Variants in TBCE observed in about 807,000 individuals in gnomAD.
The protein encoded by TBCE is tubulin folding cofactor E.
TBCE carries 53 observed loss-of-function variants against 77.0 expected under a neutral mutation model. The ratio of observed to expected loss-of-function variants is 0.69; its 90% confidence interval spans 0.55 to 0.87. The LOEUF (loss-of-function observed/expected upper bound fraction) is 0.87. Among genes scored for constraint, TBCE ranks in the 40% least tolerant of loss-of-function variants. TBCE has a pLI of 0.00. For synonymous variants in TBCE, 235 were observed against 241.3 expected (o/e 0.97, Z 0.24); for missense variants, 624 against 622.4 (o/e 1.00, Z -0.03).
At chr1:235,393,646 A>T (rs935522785) in intron 2 of TBCE, among the ~76,000 whole-genome samples, 1 of 152,204 alleles carries the variant, frequency 6.6e-6, no homozygotes, top group Admixed American at 6.5e-5. Context: ...ATATTGAAAT[A>T]ATAATACCTG....
chr1:235,382,641 C>T (rs1349840065), intron 2 of TBCE, among the ~76,000 whole-genome samples: 103 of 151,890 alleles, frequency 6.8e-4, no homozygotes, highest in African/African-American at 2.1e-3. Flanking sequence ...TCATGTCCTT[C>T]GCCCACTTTT....
intron 12 of TBCE, 43 bp from the exon 13 acceptor site, chr1:235,438,726 A>G: frequency 6.2e-7 from 1 of 1,614,080 alleles, no homozygotes; most frequent in Non-Finnish European, 8.5e-7. Flanking sequence ...CATGTTAGAA[A>G]AAAGCTTTGT....
At chr1:235,380,936 C>T (rs1359210098) in intron 2 of TBCE, among the ~76,000 whole-genome samples, 1 of 152,088 alleles carries the variant, frequency 6.6e-6, no homozygotes, top group Non-Finnish European at 1.5e-5. Flanking sequence ...CAGGCATGTG[C>T]CACCACACCC....
intron 2 of TBCE, among the ~76,000 whole-genome samples, chr1:235,385,329 A>C (rs1677933383): frequency 6.6e-6 from 1 of 152,094 alleles, no homozygotes; most frequent in African/African-American, 2.4e-5. Flanking sequence ...GATGTCTATT[A>C]CGTCCGCTTG....
intron 4 of TBCE, among the ~76,000 whole-genome samples, chr1:235,418,041 C>T (rs1680200388): frequency 6.6e-6 from 1 of 152,162 alleles, no homozygotes. Flanking sequence ...CTTGGCCTCC[C>T]AAAGTGCTGG....
chr1:235,440,551 C>T (rs1222809794), intron 13 of TBCE, among the ~76,000 whole-genome samples: 4 of 152,086 alleles, frequency 2.6e-5, no homozygotes, highest in African/African-American at 9.7e-5. Context: ...TGCCACCATG[C>T]CCGGCTAATT....
chr1:235,437,669 G>A (rs1395753730), intron 12 of TBCE, among the ~76,000 whole-genome samples, 195 bp downstream of exon 12: 3 of 151,706 alleles, frequency 2.0e-5, no homozygotes, highest in Admixed American at 6.6e-5. Flanking sequence ...AAAATTAGCT[G>A]CATGGTGGCA....
rs140104308 is a variant in TBCE, at chr1:235,448,745, C to T, written c.1567C>T (p.Leu523=). ...TTATTCTGTGGAAAATGGAGATTGT[C>T]TATTAGTGCGATGGTGACAACCAAC... ...QFYSVENGDC[L]LVRW is the part of the protein sequence containing the mutation. The change falls in exon 17 of 17, where the codon CTA becomes TTA. Residue 523 remains leucine (L), a synonymous_variant. Transcript: ENST00000642610. 2.2e-5 allele frequency: 36 copies of T among 1,613,022 alleles called. No individual in the cohort carries two copies. In the African/African-American group the frequency reaches 4.3e-4, roughly 19 times the overall value.
At chr1:235,375,079 C>G (rs1181102607) in intron 1 of TBCE, among the ~76,000 whole-genome samples, 1 of 150,976 alleles carries the variant, frequency 6.6e-6, no homozygotes, top group Non-Finnish European at 1.5e-5. Context: ...CACCACCACG[C>G]CCGGCTAATT....
Position 235,449,197 on chromosome 1 carries a change from A to C in TBCE, c.*435A>C. 4.0e-6 allele frequency: 1 copy of C among 246,942 alleles called. No individual in the cohort carries two copies. Among genetic ancestry groups the C allele is most frequent in the African/African-American group, 2.3e-5 (1 of 43,620 alleles). The allele number at this position is 246,942 out of a possible 1,614,324, so 15.3% of individuals were successfully genotyped here. A position where few individuals can be genotyped will look rare whatever the true frequency, so the allele number is the denominator to read the frequency against. ...TGGGAAATGTCCCTTAAACTTGGGG[A>C]GACATCCTCTACTATGTATAACAAT... On this transcript the variant is annotated 3_prime_UTR_variant, in exon 17 of 17. Coordinates refer to ENST00000642610, the MANE Select transcript of TBCE (RefSeq NM_003193.5).
At chr1:235,422,880 G>C (rs1319570535) in intron 5 of TBCE, among the ~76,000 whole-genome samples, 2 of 152,184 alleles carry the variant, frequency 1.3e-5, no homozygotes, top group Non-Finnish European at 2.9e-5. Context: ...GCTGGCTGTT[G>C]GGTTGCTCAG....
intron 7 of TBCE, chr1:235,433,027 C>G: frequency 6.5e-7 from 1 of 1,542,784 alleles, no homozygotes; most frequent in Non-Finnish European, 8.7e-7. Flanking sequence ...GTGCGTGCTG[C>G]AGAAATGCTC....
At chr1:235,419,732 C>G (rs985833600) in intron 5 of TBCE, among the ~76,000 whole-genome samples, 171 bp downstream of exon 5, 4 of 152,142 alleles carry the variant, frequency 2.6e-5, no homozygotes, top group African/African-American at 9.7e-5. Flanking sequence ...CTTCCCAGAC[C>G]CCTTTGCTTG....
intron 13 of TBCE, 79 bp from the exon 14 acceptor site, chr1:235,441,735 C>T: frequency 7.4e-7 from 1 of 1,348,026 alleles, no homozygotes; most frequent in Non-Finnish European, 1.1e-6. Flanking sequence ...GCTTACCTAT[C>T]CTTTGTTTGT....
At position 235,414,578 on chromosome 1, in the gene TBCE, GTGGAGA is replaced by G. The variant is rs1316488786; in HGVS notation, c.332_337del (p.Val111_Thr113delinsAla). On this transcript the variant is annotated inframe_deletion, in exon 4 of 17. Coordinates refer to ENST00000642610, the MANE Select transcript of TBCE (RefSeq NM_003193.5). ...AATTGTTACAATTGGAAATAAACCT[GTGGAGA>G]CTATCGGTTTTGACTCTATTATGAA... is the stretch of plus-strand genomic sequence containing the variant. The G allele has an allele frequency of 7.4e-6, 12 of 1,613,722 alleles. No homozygotes were observed. The highest frequency in any genetic ancestry group is 1.6e-4 in the Middle Eastern group (1 of 6,084).
At chr1:235,435,098 TTTTGTTTTG>T (rs149240751) in intron 8 of TBCE, among the ~76,000 whole-genome samples, 3,221 of 147,564 alleles carry the variant, frequency 0.022, 119 homozygotes, top group African/African-American at 0.079. Flanking sequence ...AATGCAGGTT[TTTTGTTTTG>T]TTTTTTTTTT....
intron 3 of TBCE, among the ~76,000 whole-genome samples, chr1:235,404,447 A>T (rs1191025574): frequency 6.6e-6 from 1 of 151,934 alleles, no homozygotes; most frequent in South Asian, 2.1e-4. Flanking sequence ...AGAAAATGGT[A>T]TGCCTGCATA....
At chr1:235,404,998 C>T (rs1332085969) in intron 3 of TBCE, among the ~76,000 whole-genome samples, 13 of 147,536 alleles carry the variant, frequency 8.8e-5, no homozygotes, top group Non-Finnish European at 7.5e-5. Flanking sequence ...AGTCTTGCTC[C>T]GTCACCCACG....
chr1:235,435,995 C>T, intron 9 of TBCE, 155 bp downstream of exon 9: 1 of 725,524 alleles, frequency 1.4e-6, no homozygotes, highest in African/African-American at 1.8e-5. Context: ...CATTTGAATT[C>T]ATTTAGAAAA....
Sources: gnomAD v4.1 joint callset for allele counts (sites outside exome capture counted in the v4.1 genomes callset) on GRCh38, gnomAD v4.1.1 for gene constraint, MANE v1.5 for transcripts, NCBI Gene and HGNC (gene_info 2026-07-23, HGNC 2026-07-21) for gene names.